Variants in PRAMEF4 observed in about 807,000 individuals in gnomAD.
The protein encoded by PRAMEF4 is RP5-845O24.6.
PRAMEF4 carries 18 observed loss-of-function variants against 34.4 expected under a neutral mutation model. The ratio of observed to expected loss-of-function variants is 0.52; its 90% CI spans 0.36 to 0.78. PRAMEF4 has a LOEUF of 0.78. PRAMEF4 is among the 30% of genes least tolerant of loss of function. The pLI, the probability that PRAMEF4 is intolerant of heterozygous loss-of-function variation, is 0.00. For missense variants in PRAMEF4, 482 were observed against 569.1 expected (o/e 0.85, Z 1.56); for synonymous variants, 156 against 219.3 (o/e 0.71, Z 2.55).
In PRAMEF4 at chr1:12,879,747, C is replaced by G. The variant is rs147865267; in HGVS notation, c.1234G>C (p.Val412Leu). The change falls in exon 4 of 4, where the codon GTG (valine) becomes CTG (leucine). Residue 412 changes from valine to leucine, a missense_variant. By Grantham distance (32) the Val-to-Leu change is conservative. Coordinates refer to ENST00000235349, the MANE Select transcript of PRAMEF4 (RefSeq NM_001009611.4). Reference protein sequence around the residue: ...SHTIILKNLCVELYPAPRESY... With the variant: ...SHTIILKNLCLELYPAPRESY... ...TCCCGGGGGGCAGGATACAGCTCCA[C>G]GCATAAGTTTTTGAGTATGATTGTG... 0.1 allele frequency: 162,962 copies of G among 1,590,166 alleles called. 17,156 individuals are homozygous for G. Among genetic ancestry groups the G allele is most frequent in the Middle Eastern group, 0.18 (921 of 5,008 alleles).
In PRAMEF4 at chr1:12,879,852, T is replaced by C. The variant is rs1420509592; in HGVS notation, c.1129A>G (p.Ser377Gly). ...SQVNAILPALSRCFELNTFSF... is the reference protein window; with the variant it reads ...SQVNAILPALGRCFELNTFSF... ...AAGGTGTTGAGCTCAAAGCAGCGGCTCAGGGCAGGCAAGATGGCGTTGACT... is the reference window on the plus strand; with the variant it reads ...AAGGTGTTGAGCTCAAAGCAGCGGCCCAGGGCAGGCAAGATGGCGTTGACT... Residue 377 changes from serine (S) to glycine (G), a missense_variant, in exon 4 of 4, where the codon AGC becomes GGC. Transcript: ENST00000235349. The C allele has an allele frequency of 6.3e-7, 1 of 1,599,558 alleles. No homozygotes were observed. Among genetic ancestry groups the C allele is most frequent in the East Asian group, 2.2e-5 (1 of 44,516 alleles).
In PRAMEF4 at chr1:12,883,277, G is replaced by A. The variant is rs374962505; in HGVS notation, c.118C>T (p.Pro40Ser). The A allele has an allele frequency of 6.3e-7, 1 of 1,595,264 alleles. No homozygotes were observed. Among genetic ancestry groups the A allele is most frequent in the Non-Finnish European group, 8.5e-7 (1 of 1,170,750 alleles). The change falls in exon 2 of 4, where the codon CCA (proline) becomes TCA (serine). Residue 40 changes from proline to serine, a missense_variant. Around this residue, in one of 6 missense-constraint regions of PRAMEF4, gnomAD observed 172 missense variants for 130.2 expected, o/e 1.32. Transcript: ENST00000235349. Reference sequence around the variant, plus strand: ...CTGCTGAAGGCCTCCATGAACAGTGGGGGGAAAAGTTCTGTGGGCAGCTCC... The same window carrying A: ...CTGCTGAAGGCCTCCATGAACAGTGAGGGGAAAAGTTCTGTGGGCAGCTCC... Reference protein sequence around the residue: ...LEELPTELFPPLFMEAFSRRR... With the variant: ...LEELPTELFPSLFMEAFSRRR...
chr1:12,883,315 A>G lies in PRAMEF4; in HGVS notation c.80T>C (p.Met27Thr). 6.2e-7 allele frequency: 1 copy of G among 1,600,096 alleles called. No individual in the cohort carries two copies. Among genetic ancestry groups the G allele is most frequent in the Non-Finnish European group, 8.5e-7 (1 of 1,173,324 alleles). The change falls in exon 2 of 4, where the codon ATG (methionine) becomes ACG (threonine). Residue 27 changes from methionine (M) to threonine (T), a missense_variant. Met to Thr is a moderately conservative substitution (Grantham distance 81, BLOSUM62 -1). Around this residue, in one of 6 missense-constraint regions of PRAMEF4, gnomAD observed 172 missense variants for 130.2 expected, o/e 1.32. Coordinates refer to ENST00000235349, the MANE Select transcript of PRAMEF4 (RefSeq NM_001009611.4). ...TGTGGGCAGCTCCTCCAGGGTGGACATGGCCAAAGCTTGGTCCCTTAGCAG... is the reference window on the plus strand; with the variant it reads ...TGTGGGCAGCTCCTCCAGGGTGGACGTGGCCAAAGCTTGGTCCCTTAGCAG... Reference protein sequence around the residue: ...RSLLRDQALAMSTLEELPTEL... With the variant: ...RSLLRDQALATSTLEELPTEL...
chr1:12,881,486 C>T (rs1259342152), intron 3 of PRAMEF4, among the ~76,000 whole-genome samples: 1 of 149,198 alleles, frequency 6.7e-6, no homozygotes, highest in Non-Finnish European at 1.5e-5. Flanking sequence ...TTGCCTCAGA[C>T]TCCCAAAGTG....
chr1:12,882,648 T>G (rs1301425285), intron 2 of PRAMEF4, among the ~76,000 whole-genome samples: 2 of 147,654 alleles, frequency 1.4e-5, no homozygotes, highest in East Asian at 4.0e-4. Context: ...TAGAGTGCAG[T>G]GGTGTGATGT....
rs748802358 is a variant in PRAMEF4, at chr1:12,883,428, C to G, written c.-16-18G>C. ...AGGGAAAACTTCCAGAGGACAAACC[C>G]AGAGAAAAGGCATCTCTCTCGGGCC... On this transcript the variant is annotated intron_variant, in intron 1 of 3. Transcript: ENST00000235349. 1.9e-6 allele frequency: 3 copies of G among 1,600,834 alleles called. No homozygotes were observed. Among genetic ancestry groups the G allele is most frequent in the Admixed American group, 1.7e-5 (1 of 57,764 alleles).
rs1397622303 is a variant in PRAMEF4 at position 12,880,535 on chromosome 1, C to T, written c.876-430G>A. 6.7e-5 allele frequency among the ~76,000 whole-genome samples: 10 copies of T among 149,660 alleles called. 1 individual carries two copies. In the South Asian group the frequency reaches 1.9e-3, roughly 29 times the overall value. On this transcript the variant is annotated intron_variant, in intron 3 of 3. Transcript: ENST00000235349. ...AGGTTGCAGTGAGCAGAGATCATGC[C>T]ACTACACTCCAGCCTGGGTGACAGA...
intron 1 of PRAMEF4, among the ~76,000 whole-genome samples, chr1:12,885,626 CA>C (rs1301539616): frequency 1.4e-5 from 2 of 145,804 alleles, no homozygotes; most frequent in African/African-American, 5.2e-5. Context: ...ACTAAAAATA[CA>C]AAAGTTAGCC....
intron 3 of PRAMEF4, among the ~76,000 whole-genome samples, chr1:12,881,586 C>A (rs1379208111): frequency 7.0e-6 from 1 of 142,258 alleles, no homozygotes; most frequent in Non-Finnish European, 1.5e-5. Context: ...CAGAAAGGCA[C>A]CCTCACTAGA....
At position 12,882,014 on chromosome 1, in the gene PRAMEF4, G is replaced by A. The variant is rs781776010; in HGVS notation, c.715C>T (p.Leu239Phe). ...YLGHMRNLQK[L>F]ILSHMDVSRY... The stretch of plus-strand genomic sequence containing the variant: ...GAGACATCCATGTGGGAGAGAATGA[G>A]TTTCTGAAGATTCCTCATGTGGCCC... The change falls in exon 3 of 4, where the codon CTC becomes TTC. Residue 239 changes from leucine (L) to phenylalanine (F), a missense_variant. Physicochemically the swap from Leu to Phe is conservative, Grantham distance 22. Around this residue, in one of 6 missense-constraint regions of PRAMEF4, gnomAD observed 81 missense variants for 73.1 expected, o/e 1.11. Transcript: ENST00000235349. 109 of 1,591,446 alleles carry A rather than the reference G, an allele frequency of 6.8e-5. 5 individuals are homozygous for A. The highest frequency in any genetic ancestry group is 9.1e-5 in the Non-Finnish European group (107 of 1,173,456).
At position 12,883,206 on chromosome 1, in the gene PRAMEF4, G is replaced by C; in HGVS notation, c.189C>G (p.Phe63Leu). The change falls in exon 2 of 4, where the codon TTC becomes TTG. Residue 63 changes from phenylalanine to leucine, a missense_variant. By Grantham distance (22) the Phe-to-Leu change is conservative. Coordinates refer to ENST00000235349, the MANE Select transcript of PRAMEF4 (RefSeq NM_001009611.4). ...ALKLMVQSWP[F>L]RRLPLRPLIK... Reference sequence around the variant, plus strand: ...TCAGAGGCCTCAGAGGGAGGCGGCGGAAGGGCCAGGACTGCACCATCAGCT... The same window carrying C: ...TCAGAGGCCTCAGAGGGAGGCGGCGCAAGGGCCAGGACTGCACCATCAGCT... The C allele has an allele frequency of 6.3e-7, 1 of 1,599,754 alleles. No individual in the cohort carries two copies. The highest frequency in any genetic ancestry group is 8.5e-7 in the Non-Finnish European group (1 of 1,173,268).
At chr1:12,883,594 G>A (rs1315037632) in intron 1 of PRAMEF4, among the ~76,000 whole-genome samples, 184 bp from the exon 2 acceptor site, 6 of 148,658 alleles carry the variant, frequency 4.0e-5, no homozygotes, top group South Asian at 4.3e-4. Flanking sequence ...CAGCATGAGC[G>A]TCTCCGAAGC....
chr1:12,882,971 G>A, intron 2 of PRAMEF4, 131 bp downstream of exon 2: 1 of 1,337,024 alleles, frequency 7.5e-7, no homozygotes, highest in Non-Finnish European at 1.0e-6. Flanking sequence ...CTGAGGAGCT[G>A]GTGAATGGCC....
chr1:12,879,915 A>G lies in PRAMEF4; in HGVS notation c.1066T>C (p.Tyr356His), dbSNP rs1294911670. 2 of 1,604,630 alleles carry G rather than the reference A, an allele frequency of 1.2e-6. No homozygotes were observed. Among genetic ancestry groups the G allele is most frequent in the African/African-American group, 2.7e-5 (2 of 73,410 alleles). ...ATGCCACAGTCATCTAAATCCAGGT[A>G]CTCAAGGGTGGCTGCAACTTTTTCT... ...LLEKVAATLE[Y>H]LDLDDCGIID... The change falls in exon 4 of 4, where the codon TAC (tyrosine) becomes CAC (histidine). Residue 356 changes from tyrosine to histidine, a missense_variant. By Grantham distance (83) the Tyr-to-His change is moderately conservative (BLOSUM62 2). This residue lies in a region of PRAMEF4 where 35 missense variants were observed against 109.2 expected (regional missense o/e 0.32). Coordinates refer to ENST00000235349, the MANE Select transcript of PRAMEF4 (RefSeq NM_001009611.4).
In PRAMEF4 at chr1:12,883,085, C is replaced by G; in HGVS notation, c.293+17G>C. ...GACACCTGGGCCCTCCCCACCAGCCCACCTGGGCCACCTCACCTGGGACGA... is the reference window on the plus strand; with the variant it reads ...GACACCTGGGCCCTCCCCACCAGCCGACCTGGGCCACCTCACCTGGGACGA... On this transcript the variant is annotated intron_variant, in intron 2 of 3. Coordinates refer to ENST00000235349, the MANE Select transcript of PRAMEF4 (RefSeq NM_001009611.4). 1 of 1,600,092 alleles carries G rather than the reference C, an allele frequency of 6.2e-7. No homozygotes were observed. The highest frequency in any genetic ancestry group is 8.5e-7 in the Non-Finnish European group (1 of 1,173,874).
intron 2 of PRAMEF4, 126 bp from the exon 3 acceptor site, chr1:12,882,561 T>C: frequency 1.1e-5 from 15 of 1,317,382 alleles, no homozygotes; most frequent in Non-Finnish European, 1.6e-5. Flanking sequence ...CTTCACTCTG[T>C]TTTCCCCTTG....
intron 3 of PRAMEF4, 120 bp from the exon 4 acceptor site, chr1:12,880,225 T>A (rs1343699468): frequency 1.3e-6 from 2 of 1,483,406 alleles, no homozygotes; most frequent in East Asian, 2.3e-5. Context: ...GTCATTCTGA[T>A]GGCCTGATGG....
chr1:12,881,505 A>G lies in PRAMEF4; in HGVS notation c.875+349T>C, dbSNP rs1375530059. 1.3e-5 allele frequency among the ~76,000 whole-genome samples: 2 copies of G among 148,998 alleles called. 1 individual carries two copies. Among genetic ancestry groups the G allele is most frequent in the Non-Finnish European group, 3.0e-5 (2 of 67,540 alleles). On this transcript the variant is annotated intron_variant, in intron 3 of 3. Transcript: ENST00000235349. ...CTCAGACTCCCAAAGTGATAGGATTACAGGCATGAGCCACCGCCCCTGGCG... is the reference window on the plus strand; with the variant it reads ...CTCAGACTCCCAAAGTGATAGGATTGCAGGCATGAGCCACCGCCCCTGGCG...
chr1:12,880,374 G>C (rs1240235680), intron 3 of PRAMEF4, among the ~76,000 whole-genome samples: 1 of 150,526 alleles, frequency 6.6e-6, no homozygotes, highest in African/African-American at 2.5e-5. Flanking sequence ...TCAGGAGTTT[G>C]AGACCAGCCT....
Sources: gnomAD v4.1 joint callset for allele counts (sites outside exome capture counted in the v4.1 genomes callset) on GRCh38, gnomAD v4.1.1 for gene constraint, gnomAD v4.1.1 regional missense constraint, MANE v1.5 for transcripts, NCBI Gene and HGNC (gene_info 2026-07-23, HGNC 2026-07-21) for gene names.